TBC1D14: variants seen among roughly 807,000 people sequenced by gnomAD.
TBC1D14 encodes TBC1 domain family, member 14.
TBC1D14 carries 26 observed loss-of-function variants against 79.0 expected under a neutral mutation model. The ratio of observed to expected loss-of-function variants is 0.33; its 90% CI spans 0.24 to 0.46. TBC1D14 has a LOEUF of 0.46. Among genes scored for constraint, TBC1D14 ranks in the 20% least tolerant of loss-of-function variants. The pLI is 1.00. For synonymous variants in TBC1D14, 394 were observed against 349.9 expected (o/e 1.13, Z -1.40); for missense variants, 769 against 887.6 (o/e 0.87, Z 1.70).
chr4:7,027,310 A>C, intron 13 of TBC1D14, among the ~76,000 whole-genome samples: 1 of 126,030 alleles, frequency 7.9e-6, no homozygotes, highest in East Asian at 2.7e-4. Flanking sequence ...CACACATCAC[A>C]CACCTATACG....
At chr4:6,955,857 C>T (rs1350671178) in intron 2 of TBC1D14, among the ~76,000 whole-genome samples, 1 of 152,168 alleles carries the variant, frequency 6.6e-6, no homozygotes, top group African/African-American at 2.4e-5. Flanking sequence ...CAGGTAGCAG[C>T]CTCGGACACG....
chr4:6,989,565 T>C (rs1383659663), intron 3 of TBC1D14, among the ~76,000 whole-genome samples: 3 of 152,216 alleles, frequency 2.0e-5, no homozygotes, highest in Non-Finnish European at 4.4e-5. Flanking sequence ...TCGCCCCTCC[T>C]GGCACATCTC....
intron 6 of TBC1D14, among the ~76,000 whole-genome samples, chr4:6,999,991 G>A (rs1207534583): frequency 6.6e-6 from 1 of 152,150 alleles, no homozygotes; most frequent in African/African-American, 2.4e-5. Flanking sequence ...AGGCATTCGG[G>A]GAGCTTGGAT....
chr4:7,012,184 C>T (rs1391438427), intron 11 of TBC1D14, among the ~76,000 whole-genome samples: 1 of 151,916 alleles, frequency 6.6e-6, no homozygotes, highest in Non-Finnish European at 1.5e-5. Context: ...CGCCTGTAGT[C>T]CCAGCTAGTC....
At chr4:6,939,473 T>A (rs1223796591) in intron 2 of TBC1D14, among the ~76,000 whole-genome samples, 1 of 152,058 alleles carries the variant, frequency 6.6e-6, no homozygotes, top group Non-Finnish European at 1.5e-5. Context: ...TGTACGCTGG[T>A]GCTCATTAGA....
In TBC1D14 at chr4:6,909,872, C is replaced by A. The variant is rs1577440686; in HGVS notation, c.-97C>A. On this transcript the variant is annotated 5_prime_UTR_variant, in exon 1 of 14. Coordinates refer to ENST00000409757, the MANE Select transcript of TBC1D14 (RefSeq NM_020773.3). Reference sequence around the variant, plus strand: ...CCTACCGCGTGCCCGGCGTCCTCGTCGCGCGAGTTGCCGGTCCCGCGGGGC... The same window carrying A: ...CCTACCGCGTGCCCGGCGTCCTCGTAGCGCGAGTTGCCGGTCCCGCGGGGC... 6.7e-6 allele frequency: 1 copy of A among 148,174 alleles called. No homozygotes were observed. Among genetic ancestry groups the A allele is most frequent in the East Asian group, 1.9e-4 (1 of 5,134 alleles). 9.2% of individuals were successfully genotyped at this position (148,174 alleles called of 1,614,324 possible).
chr4:7,025,358 C>T lies in TBC1D14; in HGVS notation c.2016+96C>T, dbSNP rs974445001. 161 of 1,538,592 alleles carry T rather than the reference C, an allele frequency of 1.0e-4. 1 individual carries two copies. The highest frequency in any genetic ancestry group is 2.9e-5 in the Non-Finnish European group (33 of 1,141,706). The stretch of plus-strand genomic sequence containing the variant: ...CGTAAAGTGCTGTCTGAGGACGTAG[C>T]CCCTTTGATGGAGTCCCTGGGCTGG... On this transcript the variant is annotated intron_variant, in intron 13 of 13. Coordinates refer to ENST00000409757, the MANE Select transcript of TBC1D14 (RefSeq NM_020773.3).
chr4:7,003,804 C>G (rs1719908414), intron 7 of TBC1D14, among the ~76,000 whole-genome samples: 1 of 151,528 alleles, frequency 6.6e-6, no homozygotes, highest in Non-Finnish European at 1.5e-5. Context: ...GAGTTTGAGA[C>G]CAGCCTGGCC....
chr4:6,933,032 T>G (rs899454846), intron 2 of TBC1D14, among the ~76,000 whole-genome samples: 38 of 152,034 alleles, frequency 2.5e-4, no homozygotes, highest in African/African-American at 8.7e-4. Flanking sequence ...ACTGAGCTCA[T>G]CATTTCCCTG....
In TBC1D14 at chr4:7,030,456, T is replaced by C. The variant is rs1015168848; in HGVS notation, c.*64T>C. On this transcript the variant is annotated 3_prime_UTR_variant, in exon 14 of 14. Coordinates refer to ENST00000409757, the MANE Select transcript of TBC1D14 (RefSeq NM_020773.3). The stretch of plus-strand genomic sequence containing the variant: ...CCCATGCCGCGGCCCCTCTGTTGTT[T>C]CAGACTGACACCCGGGCAGCCGAGA... 6.5e-7 allele frequency: 1 copy of C among 1,549,490 alleles called. No individual in the cohort carries two copies. The highest frequency in any genetic ancestry group is 1.7e-5 in the Admixed American group (1 of 59,402).
intron 2 of TBC1D14, among the ~76,000 whole-genome samples, chr4:6,960,560 C>A (rs1281648025): frequency 6.6e-6 from 1 of 152,164 alleles, no homozygotes; most frequent in Non-Finnish European, 1.5e-5. Context: ...AAAAAAATGC[C>A]TGTTGGCCTC....
intron 10 of TBC1D14, among the ~76,000 whole-genome samples, chr4:7,010,266 A>G (rs1421712913): frequency 6.6e-6 from 1 of 152,222 alleles, no homozygotes; most frequent in Non-Finnish European, 1.5e-5. Context: ...CACTGCTGAT[A>G]CTTCTGTGGC....
chr4:6,948,449 T>C, intron 2 of TBC1D14, among the ~76,000 whole-genome samples: 1 of 152,204 alleles, frequency 6.6e-6, no homozygotes, highest in Middle Eastern at 3.2e-3. Context: ...AGTTTTCGGC[T>C]GTATGGGTAT....
At chr4:7,015,471 G>C (rs1159821759) in intron 12 of TBC1D14, among the ~76,000 whole-genome samples, 1 of 152,120 alleles carries the variant, frequency 6.6e-6, no homozygotes. Flanking sequence ...TGATTTTGAG[G>C]TGCCTGCGGG....
chr4:6,990,315 G>A (rs1718359618), intron 3 of TBC1D14, among the ~76,000 whole-genome samples: 1 of 152,210 alleles, frequency 6.6e-6, no homozygotes, highest in African/African-American at 2.4e-5. Context: ...TGGGCCTGGT[G>A]GCACGCGCTT....
intron 12 of TBC1D14, 24 bp from the exon 13 acceptor site, chr4:7,024,980 A>C: frequency 6.2e-7 from 1 of 1,610,354 alleles, no homozygotes. Context: ...CAAAATCTGA[A>C]AAATTCCAAC....
chr4:7,003,933 G>A (rs1325251600), intron 7 of TBC1D14, among the ~76,000 whole-genome samples: 2 of 152,096 alleles, frequency 1.3e-5, no homozygotes, highest in Non-Finnish European at 2.9e-5. Flanking sequence ...TTGAATCTGG[G>A]AGGCAGAGGT....
intron 11 of TBC1D14, among the ~76,000 whole-genome samples, chr4:7,013,223 G>T (rs1023588369): frequency 4.6e-5 from 7 of 152,238 alleles, no homozygotes; most frequent in Non-Finnish European, 1.0e-4. Flanking sequence ...TGCGCTGGAG[G>T]ATGCTAAGCA....
rs942463024 is a variant in TBC1D14 at position 6,987,250 on chromosome 4, C to T, written c.844-6934C>T. ...CGAGTCTGAGGAGCCGCCGCGTCCGCCCGCCCGCCCGCGGTCCGGGAGGGA... is the reference window on the plus strand; with the variant it reads ...CGAGTCTGAGGAGCCGCCGCGTCCGTCCGCCCGCCCGCGGTCCGGGAGGGA... On this transcript the variant is annotated intron_variant, in intron 3 of 13. Transcript: ENST00000409757. The T allele has an allele frequency of 3.2e-5, 40 of 1,250,102 alleles. No individual in the cohort carries two copies. In the South Asian group the frequency reaches 5.2e-4, roughly 16 times the overall value. The allele number at this position is 1,250,102 out of a possible 1,614,324, so 77.4% of individuals were successfully genotyped here.
Sources: allele counts gnomAD v4.1 joint callset (sites outside exome capture counted in the v4.1 genomes callset), GRCh38; gene constraint gnomAD v4.1.1; transcripts MANE v1.5; gene names NCBI Gene and HGNC (gene_info 2026-07-23, HGNC 2026-07-21).